B4GALNT1: variants seen among roughly 807,000 people sequenced by gnomAD.
The protein encoded by B4GALNT1 is beta-1,4-N-acetyl-galactosaminyltransferase 1.
Under a neutral mutation model 55.2 loss-of-function variants are expected in B4GALNT1, and 43 were observed. The ratio of observed to expected loss-of-function variants is 0.78; its 90% CI spans 0.61 to 1.00. The LOEUF (loss-of-function observed/expected upper bound fraction) is 1.00. Among genes scored for constraint, B4GALNT1 ranks in the 50% least tolerant of loss-of-function variants. The pLI is 0.00. For synonymous variants in B4GALNT1, 305 were observed against 311.6 expected (o/e 0.98, Z 0.22); for missense variants, 664 against 729.7 (o/e 0.91, Z 1.04).
intron 6 of B4GALNT1, chr12:57,629,900 C>A: frequency 6.5e-7 from 1 of 1,533,726 alleles, no homozygotes; most frequent in African/African-American, 1.4e-5. Flanking sequence ...TTCCTGGGGC[C>A]CCCCACAGTT....
chr12:57,628,339 C>A, intron 8 of B4GALNT1, 77 bp from the exon 9 acceptor site: 1 of 1,589,518 alleles, frequency 6.3e-7, no homozygotes, highest in Non-Finnish European at 8.6e-7. Flanking sequence ...TTCTCTCCCC[C>A]GACCCTTCTC....
Position 57,627,856 on chromosome 12 carries a change from C to T in B4GALNT1, c.1146G>A (p.Val382=), listed in dbSNP as rs760151227. ...DVLERTPLDL[V]GGAVREISGF... is the part of the protein sequence containing the mutation. ...CGGAGATCTCGCGCACCGCGCCCCCCACCTGCAGGGAGAGGGAGGTTGCCT... is the reference window on the plus strand; with the variant it reads ...CGGAGATCTCGCGCACCGCGCCCCCTACCTGCAGGGAGAGGGAGGTTGCCT... The change falls in exon 10 of 11, where the codon GTG becomes GTA. Residue 382 remains valine (V), a splice_region_variant and synonymous_variant. Coordinates refer to ENST00000341156, the MANE Select transcript of B4GALNT1 (RefSeq NM_001478.5). 2 of 1,580,494 alleles carry T rather than the reference C, an allele frequency of 1.3e-6. No homozygotes were observed. Among genetic ancestry groups the T allele is most frequent in the Non-Finnish European group, 8.6e-7 (1 of 1,162,392 alleles).
intron 10 of B4GALNT1, 97 bp from the exon 11 acceptor site, chr12:57,627,058 G>A (rs1309605580): frequency 1.1e-5 from 12 of 1,053,964 alleles, no homozygotes; most frequent in Admixed American, 4.2e-5. Context: ...GAAAGTGTGT[G>A]TGCAAAGGCT....
Position 57,625,188 on chromosome 12 carries a change from G to A in B4GALNT1, c.*1556C>T, listed in dbSNP as rs1157380654. 6.8e-6 allele frequency: 11 copies of A among 1,613,998 alleles called. No homozygotes were observed. The highest frequency in any genetic ancestry group is 8.5e-6 in the Non-Finnish European group (10 of 1,180,024). ...TGGGGTGACAAGAAGGAAGATTTGG[G>A]CATGTTGCATGGTGACACCTGGGTA... On this transcript the variant is annotated 3_prime_UTR_variant, in exon 11 of 11. Transcript: ENST00000341156.
chr12:57,631,875 C>A (rs1885233867), intron 2 of B4GALNT1, 40 bp downstream of exon 2: 3 of 1,363,578 alleles, frequency 2.2e-6, no homozygotes, highest in African/African-American at 1.5e-5. Flanking sequence ...CAGACCACCC[C>A]CAGCGAGCGC....
rs1390375318 is a variant in B4GALNT1 at position 57,624,298 on chromosome 12, C to G, written c.*2446G>C. Reference sequence around the variant, plus strand: ...ACCCCTTTGGCCTGAATATTTGTAACTTCCCAACTGGTGCGGGTCATTACA... The same window carrying G: ...ACCCCTTTGGCCTGAATATTTGTAAGTTCCCAACTGGTGCGGGTCATTACA... On this transcript the variant is annotated 3_prime_UTR_variant, in exon 11 of 11. Transcript: ENST00000341156. The G allele has an allele frequency of 1.6e-6, 1 of 629,694 alleles. No individual in the cohort carries two copies. The highest frequency in any genetic ancestry group is 2.9e-6 in the Non-Finnish European group (1 of 348,510). The allele number at this position is 629,694 out of a possible 1,614,324, so 39.0% of individuals were successfully genotyped here.
Position 57,623,839 on chromosome 12 carries a change from G to A in B4GALNT1, c.*2905C>T. On this transcript the variant is annotated 3_prime_UTR_variant, in exon 11 of 11. Transcript: ENST00000341156. ...TCCTGTTCCTCCTTTTCTCTAGCTG[G>A]CAGGCCTCTTCTCCTGCACAGTGGT... 6.2e-7 allele frequency: 1 copy of A among 1,613,412 alleles called. No homozygotes were observed. The highest frequency in any genetic ancestry group is 8.5e-7 in the Non-Finnish European group (1 of 1,179,834).
rs555296589 is a variant in B4GALNT1 at position 57,630,508 on chromosome 12, A to T, written c.501T>A (p.Leu167=). ...ATACCTCCTGACCAGAAGCTGCCTG[A>T]AGGCTCAGCCCTAGGAGAAAGGAGT... ...LRSILVPGLS[L]QAASGQEVYQ... Residue 167 remains leucine (L), a synonymous_variant, in exon 5 of 11, where the codon CTT becomes CTA. Coordinates refer to ENST00000341156, the MANE Select transcript of B4GALNT1 (RefSeq NM_001478.5). 56 of 1,608,826 alleles carry T rather than the reference A, an allele frequency of 3.5e-5. 1 individual carries two copies. In the South Asian group the frequency reaches 5.7e-4, roughly 16 times the overall value.
chr12:57,632,154 G>C (rs1208322908), intron 1 of B4GALNT1, 21 bp from the exon 2 acceptor site: 1 of 1,504,604 alleles, frequency 6.6e-7, no homozygotes, highest in Non-Finnish European at 9.0e-7. Flanking sequence ...GTAGGGTGGG[G>C]AGTGAGAAAG....
intron 6 of B4GALNT1, chr12:57,629,692 A>G: frequency 7.9e-7 from 1 of 1,271,094 alleles, no homozygotes; most frequent in South Asian, 1.8e-5. Flanking sequence ...AGAGCATTCC[A>G]GGCTGAGAAA....
chr12:57,632,124 C>T lies in B4GALNT1; in HGVS notation c.9G>A (p.Leu3=). The change falls in exon 2 of 11, where the codon CTG becomes CTA. Residue 3 remains leucine (L), a synonymous_variant. Coordinates refer to ENST00000341156, the MANE Select transcript of B4GALNT1 (RefSeq NM_001478.5). The part of the protein sequence containing the change: MW[L]GRRALCALVL... The stretch of plus-strand genomic sequence containing the variant: ...CCAGAGCGCACAGGGCCCGGCGGCC[C>T]AGCCACATCCTAGGTGGGGGTAGGG... 6.6e-7 allele frequency: 1 copy of T among 1,514,230 alleles called. No homozygotes were observed. The highest frequency in any genetic ancestry group is 2.5e-5 in the East Asian group (1 of 40,380). The allele number at this position is 1,514,230 out of a possible 1,614,324, so 93.8% of individuals were successfully genotyped here.
intron 6 of B4GALNT1, chr12:57,629,561 A>T (rs1417432951): frequency 1.0e-5 from 4 of 387,402 alleles, no homozygotes; most frequent in African/African-American, 2.1e-5. Flanking sequence ...AAATTAAAAA[A>T]TTCAGATACT....
chr12:57,628,690 C>G, intron 8 of B4GALNT1, 23 bp downstream of exon 8: 2 of 1,613,580 alleles, frequency 1.2e-6, no homozygotes, highest in Non-Finnish European at 1.7e-6. Context: ...TCTGGCCTGC[C>G]GTTCAGCCTG....
Position 57,623,683 on chromosome 12 carries a change from A to G in B4GALNT1, c.*3061T>C. On this transcript the variant is annotated 3_prime_UTR_variant, in exon 11 of 11. Transcript: ENST00000341156. ...GGGGGAGCGGGAGGGTTAGATGTGA[A>G]TGGCAGAATATTAAGAAGGGGGTTG... 1 of 636,170 alleles carries G rather than the reference A, an allele frequency of 1.6e-6. No individual in the cohort carries two copies. 39.4% of individuals were successfully genotyped at this position (636,170 alleles called of 1,614,324 possible). A position where few individuals can be genotyped will look rare whatever the true frequency, so the allele number is the denominator to read the frequency against.
At position 57,625,780 on chromosome 12, in the gene B4GALNT1, G is replaced by C. The variant is rs1565735792; in HGVS notation, c.*964C>G. On this transcript the variant is annotated 3_prime_UTR_variant, in exon 11 of 11. Transcript: ENST00000341156. ...AAGTGGCTGGAGACCCAGGGAGAGG[G>C]GTTTGGGAAAGGGTCTGAGGAAGAT... is the stretch of plus-strand genomic sequence containing the variant. The C allele has an allele frequency of 6.6e-7, 1 of 1,508,922 alleles. No homozygotes were observed. Among genetic ancestry groups the C allele is most frequent in the Non-Finnish European group, 8.8e-7 (1 of 1,131,704 alleles). 93.5% of individuals were successfully genotyped at this position (1,508,922 alleles called of 1,614,324 possible).
At chr12:57,627,507 G>T in intron 10 of B4GALNT1, 111 bp downstream of exon 10, 1 of 1,388,964 alleles carries the variant, frequency 7.2e-7, no homozygotes. Context: ...CTGTTCTGGG[G>T]TTCCCGCTGG....
rs1481618290 is a variant in B4GALNT1, at chr12:57,626,386, C to G, written c.*358G>C. 1 of 310,690 alleles carries G rather than the reference C, an allele frequency of 3.2e-6. No individual in the cohort carries two copies. Among genetic ancestry groups the G allele is most frequent in the Non-Finnish European group, 6.2e-6 (1 of 162,302 alleles). 19.2% of individuals were successfully genotyped at this position (310,690 alleles called of 1,614,324 possible). On this transcript the variant is annotated 3_prime_UTR_variant, in exon 11 of 11. Coordinates refer to ENST00000341156, the MANE Select transcript of B4GALNT1 (RefSeq NM_001478.5). ...TATGTGTTGGGGAACTTCCCCACCC[C>G]CTCGGTCCCAAGATGAGAGGACAGT...
In B4GALNT1 at chr12:57,624,620, T is replaced by C. The variant is rs1170128138; in HGVS notation, c.*2124A>G. On this transcript the variant is annotated 3_prime_UTR_variant, in exon 11 of 11. Transcript: ENST00000341156. ...CCGCACCCGGAGGTGGGCATAGAGA[T>C]GAGTGGAGTTGAGGTCGGGGCAGGG... The C allele has an allele frequency of 1.4e-6, 1 of 707,272 alleles. No homozygotes were observed. The highest frequency in any genetic ancestry group is 2.7e-6 in the Non-Finnish European group (1 of 373,048). 43.8% of individuals were successfully genotyped at this position (707,272 alleles called of 1,614,324 possible).
rs541028664 is a variant in B4GALNT1, at chr12:57,627,467, A to G, written c.1384+151T>C. 2.1e-5 allele frequency: 17 copies of G among 821,314 alleles called. No individual in the cohort carries two copies. In the East Asian group the frequency reaches 5.3e-4, roughly 26 times the overall value. The allele number at this position is 821,314 out of a possible 1,614,324, so 50.9% of individuals were successfully genotyped here. The stretch of plus-strand genomic sequence containing the variant: ...AGAGGGTGGGAGCTGTCTCTCGCCC[A>G]GGTGCAGGTCTTGGTAAATCACTGC... On this transcript the variant is annotated intron_variant, in intron 10 of 10. Transcript: ENST00000341156.
Sources: gnomAD v4.1 joint callset for allele counts on GRCh38, gnomAD v4.1.1 for gene constraint, MANE v1.5 for transcripts, NCBI Gene and HGNC (gene_info 2026-07-23, HGNC 2026-07-21) for gene names.